Variants in SORCS3 observed in about 807,000 individuals in gnomAD.
SORCS3 encodes the protein VPS10 domain-containing receptor SorCS3.
A neutral mutation model predicts 146.3 loss-of-function variants in SORCS3; 57 were observed. The ratio of observed to expected loss-of-function variants is 0.39; its 90% CI spans 0.31 to 0.49. The LOEUF is 0.49. SORCS3 is among the 20% of genes least tolerant of loss of function. SORCS3 has a pLI of 0.92. For synonymous variants in SORCS3, 653 were observed against 618.5 expected, an observed-to-expected ratio of 1.06 and a Z score of -0.83; for missense variants, 1,341 against 1,575.5, an observed-to-expected ratio of 0.85 and a Z score of 2.52.
intron 10 of SORCS3, among the ~76,000 whole-genome samples, chr10:105,157,968 A>G (rs1003592229): frequency 2.0e-5 from 3 of 152,264 alleles, no homozygotes; most frequent in Non-Finnish European, 4.4e-5. Flanking sequence ...CCACTTATTC[A>G]GAAAGATTTA....
intron 2 of SORCS3, among the ~76,000 whole-genome samples, chr10:104,860,828 T>C (rs939753370): frequency 2.0e-5 from 3 of 152,200 alleles, no homozygotes; most frequent in Non-Finnish European, 4.4e-5. Context: ...GATTTGGATC[T>C]AAGCCCTCTG....
chr10:105,228,980 G>A (rs1002001329), intron 20 of SORCS3, among the ~76,000 whole-genome samples: 1 of 152,004 alleles, frequency 6.6e-6, no homozygotes, highest in Non-Finnish European at 1.5e-5. Context: ...TGGCATACCG[G>A]CAATTTGAAT....
At chr10:104,713,587 C>A (rs1054782421) in intron 1 of SORCS3, among the ~76,000 whole-genome samples, 1 of 152,126 alleles carries the variant, frequency 6.6e-6, no homozygotes, top group Non-Finnish European at 1.5e-5. Flanking sequence ...GTTGATGTAG[C>A]GGCTTACATT....
intron 5 of SORCS3, among the ~76,000 whole-genome samples, chr10:105,084,653 T>C (rs1026996930): frequency 2.6e-5 from 4 of 152,132 alleles, no homozygotes; most frequent in African/African-American, 9.7e-5. Flanking sequence ...TGAATGCCTA[T>C]TTGTGCTGCC....
intron 1 of SORCS3, among the ~76,000 whole-genome samples, chr10:104,720,070 CA>C (rs2016528035): frequency 6.6e-6 from 1 of 151,972 alleles, no homozygotes; most frequent in Non-Finnish European, 1.5e-5. Context: ...TGGTGTGCTG[CA>C]CCTGTTAACT....
At chr10:104,673,830 C>T (rs1337036895) in intron 1 of SORCS3, among the ~76,000 whole-genome samples, 3 of 152,174 alleles carry the variant, frequency 2.0e-5, no homozygotes, top group East Asian at 3.8e-4. Flanking sequence ...GTTATAACAA[C>T]TAACTTAAAT....
At chr10:105,071,340 T>G (rs1404484570) in intron 5 of SORCS3, among the ~76,000 whole-genome samples, 1 of 152,220 alleles carries the variant, frequency 6.6e-6, no homozygotes, top group Non-Finnish European at 1.5e-5. Context: ...GTTTTCCTCA[T>G]GAAGCACACG....
In SORCS3 at chr10:104,887,967, C is replaced by T. The variant is rs79901978; in HGVS notation, c.696-27866C>T. Among the ~76,000 whole-genome samples the T allele has an allele frequency of 8.0e-3, 269 of 33,708 alleles. 23 individuals carry two copies. The highest frequency in any genetic ancestry group is 0.026 in the East Asian group (38 of 1,444). 22.1% of individuals were successfully genotyped at this position (33,708 alleles called of 152,430 possible). A position where few individuals can be genotyped will look rare whatever the true frequency, so the allele number is the denominator to read the frequency against. The stretch of plus-strand genomic sequence containing the variant: ...CAGCAACATGGTGGGGGCGGGGGGG[C>T]GGGGGCGGAGCAAGCCCATGAAGAC... On this transcript the variant is annotated intron_variant, in intron 2 of 26. Transcript: ENST00000369701.
At chr10:104,756,575 T>A (rs1037259266) in intron 1 of SORCS3, among the ~76,000 whole-genome samples, 12 of 152,084 alleles carry the variant, frequency 7.9e-5, no homozygotes, top group African/African-American at 2.7e-4. Flanking sequence ...GGGTGAAAGG[T>A]GGAGCTGGGA....
chr10:104,917,837 G>T (rs558697604), intron 3 of SORCS3, among the ~76,000 whole-genome samples: 5 of 152,212 alleles, frequency 3.3e-5, no homozygotes, highest in African/African-American at 1.2e-4. Context: ...ATGGATGAAT[G>T]GTATTTTATT....
intron 6 of SORCS3, among the ~76,000 whole-genome samples, chr10:105,102,321 A>G (rs1413784395): frequency 2.0e-5 from 3 of 152,216 alleles, no homozygotes; most frequent in African/African-American, 7.2e-5. Flanking sequence ...AATGTAGTAC[A>G]TATACACCAT....
intron 4 of SORCS3, among the ~76,000 whole-genome samples, chr10:105,004,304 T>A (rs1031053552): frequency 6.6e-6 from 1 of 151,974 alleles, no homozygotes; most frequent in Non-Finnish European, 1.5e-5. Context: ...AAGAACTGAG[T>A]GAAGGGACTC....
At chr10:105,053,436 CA>C (rs960923012) in intron 5 of SORCS3, among the ~76,000 whole-genome samples, 1 of 151,724 alleles carries the variant, frequency 6.6e-6, no homozygotes, top group African/African-American at 2.4e-5. Context: ...ACACACTAGC[CA>C]TTTTTTTTTT....
At chr10:105,167,473 A>C in intron 13 of SORCS3, 124 bp downstream of exon 13, 1 of 678,696 alleles carries the variant, frequency 1.5e-6, no homozygotes, top group Non-Finnish European at 2.5e-6. Context: ...TTATTTATCC[A>C]TCCATCCATT....
At chr10:105,127,057 T>C (rs2055980681) in intron 7 of SORCS3, among the ~76,000 whole-genome samples, 1 of 152,130 alleles carries the variant, frequency 6.6e-6, no homozygotes, top group African/African-American at 2.4e-5. Context: ...TTGACAAATG[T>C]AAGACATAGT....
At chr10:105,090,335 T>A (rs1406240975) in intron 6 of SORCS3, among the ~76,000 whole-genome samples, 1 of 152,168 alleles carries the variant, frequency 6.6e-6, no homozygotes, top group Non-Finnish European at 1.5e-5. Context: ...GAGAAAGTGA[T>A]GAGCAAGTTC....
At chr10:105,258,632 T>G (rs1321470076) in intron 25 of SORCS3, among the ~76,000 whole-genome samples, 1 of 130,494 alleles carries the variant, frequency 7.7e-6, no homozygotes, top group African/African-American at 2.6e-5. Flanking sequence ...GAAAACTTCT[T>G]TTTTTGTTTT....
intron 1 of SORCS3, among the ~76,000 whole-genome samples, chr10:104,698,217 AC>A (rs1171532020): frequency 1.3e-5 from 2 of 152,078 alleles, no homozygotes; most frequent in African/African-American, 4.8e-5. Context: ...GCCCCATTTT[AC>A]AGATGTGGAA....
intron 1 of SORCS3, among the ~76,000 whole-genome samples, chr10:104,726,603 C>T (rs1386218768): frequency 6.6e-6 from 1 of 151,936 alleles, no homozygotes; most frequent in African/African-American, 2.4e-5. Context: ...CTCCGTTGGA[C>T]ACCTCTTTAT....
Sources: allele counts gnomAD v4.1 joint callset (sites outside exome capture counted in the v4.1 genomes callset), GRCh38; gene constraint gnomAD v4.1.1; transcripts MANE v1.5; gene names NCBI Gene and HGNC (gene_info 2026-07-23, HGNC 2026-07-21).